Variants in JPH1 observed in about 807,000 individuals in gnomAD.
JPH1 encodes the protein junctophilin-1.
A neutral mutation model predicts 53.6 loss-of-function variants in JPH1; 12 were observed. That is an observed-to-expected ratio of 0.22 (90% confidence interval 0.14 to 0.36). The LOEUF is 0.36. Ranked by LOEUF, JPH1 falls within the 10% of genes least tolerant of loss-of-function variation. The pLI is 1.00. For missense variants in JPH1, 808 were observed against 905.5 expected, an observed-to-expected ratio of 0.89 and a Z score of 1.38; for synonymous variants, 375 against 363.8, an observed-to-expected ratio of 1.03 and a Z score of -0.35.
intron 3 of JPH1, among the ~76,000 whole-genome samples, chr8:74,255,499 T>A (rs1161702842): frequency 6.6e-5 from 10 of 152,018 alleles, no homozygotes; most frequent in Non-Finnish European, 1.5e-4. Flanking sequence ...GGACTTCATG[T>A]CTAAAACACC....
intron 4 of JPH1, among the ~76,000 whole-genome samples, chr8:74,241,052 TA>T (rs925076192): frequency 1.3e-5 from 2 of 152,192 alleles, no homozygotes; most frequent in Admixed American, 6.5e-5. Context: ...CATACATATA[TA>T]TTTTTTTCTT....
Position 74,298,628 on chromosome 8 carries a change from C to A in JPH1, c.1139+16233G>T, listed in dbSNP as rs925677732. On this transcript the variant is annotated intron_variant, in intron 2 of 5. Transcript: ENST00000342232. Reference sequence around the variant, plus strand: ...CTTCTCTTGCCATGACTCAGCTGTACTCGACGGCACTGCAACGCAAAATCC... The same window carrying A: ...CTTCTCTTGCCATGACTCAGCTGTAATCGACGGCACTGCAACGCAAAATCC... Among the ~76,000 whole-genome samples the A allele has an allele frequency of 5.3e-5, 8 of 152,308 alleles. 1 individual carries two copies. Among genetic ancestry groups the A allele is most frequent in the South Asian group, 4.1e-4 (2 of 4,824 alleles).
chr8:74,321,291 G>A lies in JPH1; in HGVS notation c.-4C>T. The A allele has an allele frequency of 1.3e-6, 2 of 1,558,610 alleles. No homozygotes were observed. The highest frequency in any genetic ancestry group is 1.7e-6 in the Non-Finnish European group (2 of 1,152,462). ...AGTCGAACCTTCCGCCCGTCATTCG[G>A]GGGGCAGCCCCGGCGCGCTCCCCGC... On this transcript the variant is annotated 5_prime_UTR_variant, in exon 1 of 6. Transcript: ENST00000342232. The surrounding 1 kb of genome is among the most constrained non-coding windows in gnomAD (Gnocchi z 4.3).
rs746055742 is a variant in JPH1, at chr8:74,314,977, C to T, written c.1023G>A (p.Arg341=). ...YKNNILVRGI[R]KQLIPIRHTK... Reference sequence around the variant, plus strand: ...TATGTCTTATTGGTATAAGCTGCTTCCTTATCCCACGGACCAGAATATTAT... The same window carrying T: ...TATGTCTTATTGGTATAAGCTGCTTTCTTATCCCACGGACCAGAATATTAT... The change falls in exon 2 of 6, where the codon AGG becomes AGA. Residue 341 remains arginine, a synonymous_variant. Transcript: ENST00000342232. The T allele has an allele frequency of 1.9e-6, 3 of 1,614,222 alleles. No individual in the cohort carries two copies. The highest frequency in any genetic ancestry group is 1.1e-5 in the South Asian group (1 of 91,082).
chr8:74,319,510 T>TA (rs1333367672), intron 1 of JPH1, among the ~76,000 whole-genome samples: 2 of 152,200 alleles, frequency 1.3e-5, no homozygotes, highest in Non-Finnish European at 2.9e-5. Flanking sequence ...ATAAAACTAT[T>TA]AGAGAACGTT....
At chr8:74,276,474 A>T (rs894751791) in intron 2 of JPH1, among the ~76,000 whole-genome samples, 12 of 152,244 alleles carry the variant, frequency 7.9e-5, no homozygotes, top group Non-Finnish European at 1.5e-5. Context: ...TGCAACCTAT[A>T]AAGTACTACC....
rs554957289 is a variant in JPH1, at chr8:74,286,210, C to T, written c.1140-26707G>A. Among the ~76,000 whole-genome samples the T allele has an allele frequency of 1.3e-3, 202 of 152,292 alleles. 7 individuals are homozygous for T. In the South Asian group the frequency reaches 0.039, roughly 30 times the overall value. ...CACCTTACACATTTCCAAGTCTTTC[C>T]GATGCAACTGTCCCTTCCTTTAGAA... On this transcript the variant is annotated intron_variant, in intron 2 of 5. Transcript: ENST00000342232.
At chr8:74,309,230 C>G (rs1807921583) in intron 2 of JPH1, among the ~76,000 whole-genome samples, 1 of 152,166 alleles carries the variant, frequency 6.6e-6, no homozygotes, top group African/African-American at 2.4e-5. Context: ...AGCTGTGTAC[C>G]AATGAGCTTC....
chr8:74,255,980 G>A (rs1204841646), intron 3 of JPH1, among the ~76,000 whole-genome samples: 1 of 152,192 alleles, frequency 6.6e-6, no homozygotes, highest in East Asian at 1.9e-4. Context: ...GGAAGTGGGT[G>A]TGGCGATTCC....
At chr8:74,288,230 G>A (rs1050003270) in intron 2 of JPH1, among the ~76,000 whole-genome samples, 1 of 152,216 alleles carries the variant, frequency 6.6e-6, no homozygotes, top group African/African-American at 2.4e-5. Flanking sequence ...GGCGAGGACA[G>A]GTTTCATCTT....
chr8:74,259,420 A>G lies in JPH1; in HGVS notation c.1223T>C (p.Val408Ala). ...GAAATCAGGTGACAGCTCCCTGGCC[A>G]CAGCTCTCGCGATGTCGCACTCCTG... ...ARQECDIARA[V>A]ARELSPDFYQ... Residue 408 changes from valine (V) to alanine (A), a missense_variant, in exon 3 of 6, where the codon GTG becomes GCG. Coordinates refer to ENST00000342232, the MANE Select transcript of JPH1 (RefSeq NM_020647.4). 6.2e-7 allele frequency: 1 copy of G among 1,613,764 alleles called. No homozygotes were observed. The highest frequency in any genetic ancestry group is 1.7e-5 in the Admixed American group (1 of 59,964).
intron 2 of JPH1, among the ~76,000 whole-genome samples, chr8:74,296,155 A>T (rs1807513067): frequency 6.6e-6 from 1 of 152,096 alleles, no homozygotes; most frequent in Admixed American, 6.6e-5. Flanking sequence ...GATAAATCAA[A>T]ACCAAGTATT....
intron 3 of JPH1, among the ~76,000 whole-genome samples, chr8:74,258,327 A>T (rs1276273520): frequency 6.6e-6 from 1 of 152,248 alleles, no homozygotes; most frequent in Non-Finnish European, 1.5e-5. Context: ...ATCACGGAGA[A>T]TATATATAAA....
intron 3 of JPH1, among the ~76,000 whole-genome samples, chr8:74,245,839 T>C (rs1361227997): frequency 1.3e-5 from 2 of 150,586 alleles, no homozygotes; most frequent in Non-Finnish European, 2.9e-5. Flanking sequence ...TTTATAAAAA[T>C]CTTGTTACTT....
chr8:74,292,093 G>T (rs367954214), intron 2 of JPH1, among the ~76,000 whole-genome samples: 3 of 152,154 alleles, frequency 2.0e-5, no homozygotes, highest in Non-Finnish European at 4.4e-5. Flanking sequence ...GTTAATGGGT[G>T]CAGCACACCA....
intron 2 of JPH1, among the ~76,000 whole-genome samples, chr8:74,284,965 C>T (rs768684329): frequency 5.9e-5 from 9 of 152,030 alleles, no homozygotes; most frequent in Non-Finnish European, 1.2e-4. Flanking sequence ...GCTGGGATTA[C>T]AGGCAGGTGC....
At chr8:74,273,395 C>T (rs1806759508) in intron 2 of JPH1, among the ~76,000 whole-genome samples, 1 of 152,084 alleles carries the variant, frequency 6.6e-6, no homozygotes, top group South Asian at 2.1e-4. Flanking sequence ...TTCTTATCCT[C>T]TAATGTTTTT....
rs1449394403 is a variant in JPH1, at chr8:74,262,544, GACTGTGAC to G, written c.1140-3049_1140-3042del. Among the ~76,000 whole-genome samples, 6 of 152,284 alleles carry G rather than the reference GACTGTGAC, an allele frequency of 3.9e-5. No homozygotes were observed. The South Asian group carries it at 1.2e-3, about 32-fold the overall frequency. ...CCCAAAAGCATTTCATTTATCAAAA[GACTGTGAC>G]ATTTTACAAATCTTCAGACCCTCAA... On this transcript the variant is annotated intron_variant, in intron 2 of 5. Coordinates refer to ENST00000342232, the MANE Select transcript of JPH1 (RefSeq NM_020647.4).
At chr8:74,284,714 C>T (rs1807109864) in intron 2 of JPH1, among the ~76,000 whole-genome samples, 1 of 150,802 alleles carries the variant, frequency 6.6e-6, no homozygotes, top group South Asian at 2.1e-4. Flanking sequence ...TTTCCCCCAA[C>T]ACTAAACAAA....
Sources: gnomAD v4.1 joint callset for allele counts (sites outside exome capture counted in the v4.1 genomes callset) on GRCh38, gnomAD v4.1.1 for gene constraint, Gnocchi (gnomAD v3.1) non-coding constraint, MANE v1.5 for transcripts, NCBI Gene and HGNC (gene_info 2026-07-23, HGNC 2026-07-21) for gene names.